ADGRL2: variants seen among roughly 807,000 people sequenced by gnomAD.
ADGRL2 encodes adhesion G protein-coupled receptor L2.
A neutral mutation model predicts 157.4 loss-of-function variants in ADGRL2; 44 were observed. The observed-to-expected ratio is 0.28, with a 90% CI of 0.22 to 0.36. ADGRL2 has a LOEUF of 0.36. Among genes scored for constraint, ADGRL2 ranks in the 10% least tolerant of loss-of-function variants. The pLI is 1.00. For missense variants in ADGRL2, 1,510 were observed against 1,768.9 expected (o/e 0.85, Z 2.63); for synonymous variants, 585 against 624.7 (o/e 0.94, Z 0.95).
At chr1:81,324,622 C>T (rs1292975869) in intron 1 of ADGRL2, among the ~76,000 whole-genome samples, 1 of 151,190 alleles carries the variant, frequency 6.6e-6, no homozygotes, top group Non-Finnish European at 1.5e-5. Context: ...GAAGTAGTAT[C>T]AAGAGAATTT....
intron 2 of ADGRL2, among the ~76,000 whole-genome samples, chr1:81,562,605 C>A (rs1330252130): frequency 6.6e-6 from 1 of 152,038 alleles, no homozygotes; most frequent in Non-Finnish European, 1.5e-5. Flanking sequence ...TGTTTCTTTG[C>A]AACTACTTCC....
intron 1 of ADGRL2, among the ~76,000 whole-genome samples, chr1:81,338,540 T>A (rs1661822342): frequency 6.6e-6 from 1 of 151,982 alleles, no homozygotes; most frequent in African/African-American, 2.4e-5. Context: ...ATTAAGTGAG[T>A]TAACTAAAAA....
At chr1:81,802,206 C>G (rs1244745578) in intron 1 of ADGRL2, among the ~76,000 whole-genome samples, 1 of 152,018 alleles carries the variant, frequency 6.6e-6, no homozygotes, top group Non-Finnish European at 1.5e-5. Flanking sequence ...ACGGCCCTCC[C>G]TCGGGGCGCG....
intron 1 of ADGRL2, among the ~76,000 whole-genome samples, chr1:81,356,511 T>C (rs890542750): frequency 6.6e-6 from 1 of 152,058 alleles, no homozygotes; most frequent in South Asian, 2.1e-4. Flanking sequence ...AAAAAAGAAG[T>C]GAGAAGGTCT....
intron 2 of ADGRL2, among the ~76,000 whole-genome samples, chr1:81,524,096 C>T (rs1178015381): frequency 2.8e-5 from 4 of 143,138 alleles, no homozygotes; most frequent in Non-Finnish European, 3.1e-5. Flanking sequence ...CGCAGTGGCT[C>T]ACGCCTGTAA....
intron 11 of ADGRL2, among the ~76,000 whole-genome samples, chr1:81,959,956 A>G (rs1361247008): frequency 2.6e-5 from 4 of 151,962 alleles, no homozygotes; most frequent in Non-Finnish European, 2.9e-5. Flanking sequence ...GCTCACCACC[A>G]TGCCTGGCTA....
At chr1:81,726,571 C>A (rs1369149423) in intron 1 of ADGRL2, among the ~76,000 whole-genome samples, 2 of 152,136 alleles carry the variant, frequency 1.3e-5, no homozygotes, top group African/African-American at 4.8e-5. Context: ...ACTTATATTA[C>A]ATGGATTGAG....
At chr1:81,541,673 G>A (rs2079886404) in intron 2 of ADGRL2, among the ~76,000 whole-genome samples, 1 of 152,038 alleles carries the variant, frequency 6.6e-6, no homozygotes, top group South Asian at 2.1e-4. Flanking sequence ...TTTCCGGCTG[G>A]GCACGGTTGC....
intron 3 of ADGRL2, among the ~76,000 whole-genome samples, chr1:81,636,937 G>A (rs548672641): frequency 2.0e-4 from 30 of 152,284 alleles, no homozygotes; most frequent in African/African-American, 6.7e-4. Flanking sequence ...CCTGGTTCAA[G>A]CAATTCTCCT....
chr1:81,647,246 G>A lies in ADGRL2; in HGVS notation c.-143+66266G>A, dbSNP rs547957171. Among the ~76,000 whole-genome samples, 12 of 152,284 alleles carry A rather than the reference G, an allele frequency of 7.9e-5. No homozygotes were observed. In the South Asian group the frequency reaches 2.3e-3, roughly 29 times the overall value. The stretch of plus-strand genomic sequence containing the variant: ...CATTGTATCTCAAATGAATGCAGAA[G>A]GGAAAGTTTACCTTGTGTTTGAATG... On this transcript the variant is annotated intron_variant, in intron 3 of 24. Transcript: ENST00000370721.
At position 81,337,011 on chromosome 1, in the gene ADGRL2, C is replaced by T. The variant is rs558689829; in HGVS notation, c.-302+30502C>T. On this transcript the variant is annotated intron_variant, in intron 1 of 24. Coordinates refer to the ADGRL2 transcript ENST00000370721. Reference sequence around the variant, plus strand: ...AAGAGAAGAAGGAGCTTGACATCAGCGAGAAGCAGCCTTGACTTCACAGGG... The same window carrying T: ...AAGAGAAGAAGGAGCTTGACATCAGTGAGAAGCAGCCTTGACTTCACAGGG... 3.3e-5 allele frequency among the ~76,000 whole-genome samples: 5 copies of T among 152,066 alleles called. No individual in the cohort carries two copies. The South Asian group carries it at 1.0e-3, about 32-fold the overall frequency.
At chr1:81,389,964 C>A (rs1415590514) in intron 1 of ADGRL2, among the ~76,000 whole-genome samples, 1 of 152,096 alleles carries the variant, frequency 6.6e-6, no homozygotes, top group Non-Finnish European at 1.5e-5. Flanking sequence ...CTTGTTTAAG[C>A]TTGAATAAAT....
chr1:81,379,549 G>C (rs552536958), intron 1 of ADGRL2, among the ~76,000 whole-genome samples: 101 of 152,200 alleles, frequency 6.6e-4, no homozygotes, highest in African/African-American at 2.4e-3. Flanking sequence ...CAGCAGATAG[G>C]GGAGCCAAAA....
At chr1:81,827,810 C>T (rs1266112220) in intron 1 of ADGRL2, among the ~76,000 whole-genome samples, 4 of 152,228 alleles carry the variant, frequency 2.6e-5, no homozygotes, top group South Asian at 2.1e-4. Flanking sequence ...GCCAATCCAC[C>T]GGCCTCGGAC....
chr1:81,453,164 A>G (rs1320821007), intron 2 of ADGRL2, among the ~76,000 whole-genome samples: 1 of 152,206 alleles, frequency 6.6e-6, no homozygotes, highest in Non-Finnish European at 1.5e-5. Flanking sequence ...ATTGGGGGAA[A>G]AAATCTGTGG....
At chr1:81,747,199 G>GTA (rs200179556) in intron 1 of ADGRL2, among the ~76,000 whole-genome samples, 1 of 135,932 alleles carries the variant, frequency 7.4e-6, no homozygotes, top group Non-Finnish European at 1.6e-5. Flanking sequence ...GTGTATGCAT[G>GTA]TATATATATG....
In ADGRL2 at chr1:81,867,647, T is replaced by C. The variant is rs185954485; in HGVS notation, c.73+30590T>C. Among the ~76,000 whole-genome samples, 29 of 152,322 alleles carry C rather than the reference T, an allele frequency of 1.9e-4. 2 individuals carry two copies. In the East Asian group the frequency reaches 5.6e-3, roughly 29 times the overall value. On this transcript the variant is annotated intron_variant, in intron 2 of 23. Coordinates refer to ENST00000686636, the MANE Select transcript of ADGRL2 (RefSeq NM_001366006.2). Reference sequence around the variant, plus strand: ...TTAAAAAGAAGATTGTGAACTACTTTTGTTTACATGGAATTGCTAATACTA... The same window carrying C: ...TTAAAAAGAAGATTGTGAACTACTTCTGTTTACATGGAATTGCTAATACTA...
At chr1:81,332,297 A>G (rs748601698) in intron 1 of ADGRL2, among the ~76,000 whole-genome samples, 2 of 152,160 alleles carry the variant, frequency 1.3e-5, no homozygotes, top group Non-Finnish European at 2.9e-5. Context: ...TTTTTCTGAT[A>G]GACAACACAA....
intron 2 of ADGRL2, among the ~76,000 whole-genome samples, chr1:81,574,641 T>G (rs1378374561): frequency 6.6e-6 from 1 of 152,122 alleles, no homozygotes; most frequent in Non-Finnish European, 1.5e-5. Flanking sequence ...TCCAAAGAAG[T>G]AGCATGAATC....
Sources: allele counts gnomAD v4.1 joint callset (sites outside exome capture counted in the v4.1 genomes callset), GRCh38; gene constraint gnomAD v4.1.1; transcripts MANE v1.5; gene names NCBI Gene and HGNC (gene_info 2026-07-23, HGNC 2026-07-21).